FGF22: variants seen among roughly 807,000 people sequenced by gnomAD.
FGF22 encodes the protein fibroblast growth factor 22, also known as FGF-22.
FGF22 carries 11 observed loss-of-function variants against 10.3 expected under a neutral mutation model. The observed-to-expected ratio is 1.07, with a 90% CI of 0.67 to 1.77. FGF22 has a LOEUF of 1.77. Among genes scored for constraint, FGF22 ranks in the 40% most tolerant of loss-of-function variants. The pLI, the probability that FGF22 is intolerant of heterozygous loss-of-function variation, is 0.00. For synonymous variants in FGF22, 136 were observed against 122.1 expected, an observed-to-expected ratio of 1.11 and a Z score of -0.75; for missense variants, 317 against 273.2, an observed-to-expected ratio of 1.16 and a Z score of -1.13.
exon 3 of FGF22, chr19:643,471 A>G (rs1429356212): frequency 6.2e-7 from 1 of 1,611,084 alleles, no homozygotes; most frequent in Non-Finnish European, 8.5e-7. Flanking sequence ...CACAACACCT[A>G]CGCCTCACAG....
In FGF22 at chr19:640,286, G is replaced by A. The variant is rs1293236983; in HGVS notation, c.214+147G>A. ...CCTCAGTTTCCGTGGTCTGTGAGAT[G>A]GGTGCAGCCTGCCTGGTGGGAGGGT... On this transcript the variant is annotated intron_variant, in intron 1 of 2. Coordinates refer to ENST00000215530, the Ensembl canonical transcript of FGF22. The A allele has an allele frequency of 8.6e-6, 4 of 462,770 alleles. No individual in the cohort carries two copies. The East Asian group carries it at 1.5e-4, about 17-fold the overall frequency. 28.7% of individuals were successfully genotyped at this position (462,770 alleles called of 1,614,324 possible). A position where few individuals can be genotyped will look rare whatever the true frequency, so the allele number is the denominator to read the frequency against.
At chr19:640,234 C>A in intron 1 of FGF22, 95 bp downstream of exon 1, 1 of 809,096 alleles carries the variant, frequency 1.2e-6, no homozygotes, top group Non-Finnish European at 1.7e-6. Context: ...GCGGGGGAGT[C>A]CCGGAGGCTC....
At chr19:643,144 G>A (rs1362823386) in intron 1 of FGF22, 91 bp from the exon 2 acceptor site, 10 of 245,718 alleles carry the variant, frequency 4.1e-5, no homozygotes, top group African/African-American at 9.2e-5. Context: ...GGTATCTGTC[G>A]TGGTCCTGAG....
exon 3 of FGF22, chr19:643,914 A>G (rs949533592): frequency 7.8e-6 from 1 of 128,554 alleles, no homozygotes; most frequent in Non-Finnish European, 1.5e-5. Flanking sequence ...CGGGGTGGGG[A>G]GCACGTTGGG....
chr19:643,173 G>T (rs1451149063), intron 1 of FGF22, 62 bp from the exon 2 acceptor site: 5 of 642,792 alleles, frequency 7.8e-6, no homozygotes, highest in Non-Finnish European at 1.0e-5. Flanking sequence ...ACGAAGCACA[G>T]CGGACAGCAG....
Position 643,358 on chromosome 19 carries a change from GGGC to G in FGF22, c.318+25_318+27del. 1 of 1,603,410 alleles carries G rather than the reference GGGC, an allele frequency of 6.2e-7. No individual in the cohort carries two copies. Among genetic ancestry groups the G allele is most frequent in the Middle Eastern group, 1.7e-4 (1 of 5,888 alleles). On this transcript the variant is annotated intron_variant, in intron 2 of 2. Transcript: ENST00000215530. ...GGGTCGGTGAGTGCCGGGCAGGGCT[GGGC>G]GGCGCGGGCAGGGTGGGGAGGGTGG...
rs1272385472 is a variant in FGF22 at position 641,490 on chromosome 19, A to G, written c.214+1351A>G. On this transcript the variant is annotated intron_variant, in intron 1 of 2. Transcript: ENST00000215530. ...CTCGGGAGGCTGAGGCAGGAGAATG[A>G]CGTGAAGCCGGGAGGTGGAGCTTGC... The G allele has an allele frequency of 1.2e-5, 4 of 322,186 alleles. No individual in the cohort carries two copies. In the East Asian group the frequency reaches 3.2e-4, roughly 26 times the overall value. 20.0% of individuals were successfully genotyped at this position (322,186 alleles called of 1,614,324 possible).
chr19:640,108 G>T, exon 1 of FGF22: 2 of 1,387,548 alleles, frequency 1.4e-6, no homozygotes, highest in Non-Finnish European at 1.9e-6. Context: ...GCGGCCGCGT[G>T]CAGGGCACCC....
intron 1 of FGF22, among the ~76,000 whole-genome samples, chr19:642,117 G>A (rs1472914150): frequency 6.6e-6 from 1 of 152,196 alleles, no homozygotes; most frequent in African/African-American, 2.4e-5. Flanking sequence ...TAAACCACCG[G>A]TGTCCCACTC....
chr19:639,994 C>T (rs1600612894), exon 1 of FGF22: 10 of 1,300,228 alleles, frequency 7.7e-6, no homozygotes, highest in African/African-American at 4.6e-5. Context: ...CCGCGGGAAC[C>T]CCGAGCGCGT....
Position 640,142 on chromosome 19 carries a change from G to C in FGF22, c.214+3G>C. On this transcript the variant is annotated splice_donor_region_variant and intron_variant, in intron 1 of 2. Transcript: ENST00000215530. Reference sequence around the variant, plus strand: ...CCGCTGGCGCCACGGCCAGGACAGTGAGTGCGGGGCGGCGGGGGCCTGGGG... The same window carrying C: ...CCGCTGGCGCCACGGCCAGGACAGTCAGTGCGGGGCGGCGGGGGCCTGGGG... The C allele has an allele frequency of 7.6e-7, 1 of 1,310,584 alleles. No individual in the cohort carries two copies. Among genetic ancestry groups the C allele is most frequent in the Non-Finnish European group, 9.7e-7 (1 of 1,032,588 alleles). 81.2% of individuals were successfully genotyped at this position (1,310,584 alleles called of 1,614,324 possible).
At chr19:641,260 A>G (rs1406390994) in intron 1 of FGF22, 1 of 455,982 alleles carries the variant, frequency 2.2e-6, no homozygotes, top group Admixed American at 2.3e-5. Context: ...CACGTGAACA[A>G]GGGCGCAGGT....
In FGF22 at chr19:642,507, C is replaced by T. The variant is rs867931723; in HGVS notation, c.215-728C>T. On this transcript the variant is annotated intron_variant, in intron 1 of 2. Transcript: ENST00000215530. Reference sequence around the variant, plus strand: ...ATGGGGTGGTGTGAGCTGTGAGGGCCGGGCTGGGGGCTCCATATGGGGTGG... The same window carrying T: ...ATGGGGTGGTGTGAGCTGTGAGGGCTGGGCTGGGGGCTCCATATGGGGTGG... Among the ~76,000 whole-genome samples the T allele has an allele frequency of 5.5e-5, 2 of 36,196 alleles. 1 individual carries two copies. The highest frequency in any genetic ancestry group is 1.0e-4 in the Non-Finnish European group (2 of 19,860). 23.7% of individuals were successfully genotyped at this position (36,196 alleles called of 152,430 possible).
intron 1 of FGF22, chr19:641,298 C>A: frequency 2.2e-6 from 1 of 454,106 alleles, no homozygotes. Flanking sequence ...AACGGTTGGC[C>A]GGGTGCAGTG....
intron 1 of FGF22, among the ~76,000 whole-genome samples, chr19:642,230 CCA>C (rs58242300): frequency 0.69 from 55,599 of 80,802 alleles, 19,295 homozygotes; most frequent in East Asian, 0.93. Flanking sequence ...GCTGGGGGCT[CCA>C]TATGGGGTGG....
At chr19:640,910 G>C (rs1190012153) in intron 1 of FGF22, 2 of 304,190 alleles carry the variant, frequency 6.6e-6, no homozygotes, top group Non-Finnish European at 1.3e-5. Flanking sequence ...TCATCTGGGC[G>C]CCAAGGCCCT....
At chr19:640,109 C>A in exon 1 of FGF22, 1 of 1,385,652 alleles carries the variant, frequency 7.2e-7, no homozygotes. Flanking sequence ...CGGCCGCGTG[C>A]AGGGCACCCG....
chr19:640,863 C>T (rs4517908), intron 1 of FGF22: 135,713 of 237,626 alleles, frequency 0.57, 39,497 homozygotes, highest in Admixed American at 0.63. Flanking sequence ...TCACCACCAT[C>T]AGGGCAGGTA....
At chr19:643,642 C>A in exon 3 of FGF22, 2 of 1,453,610 alleles carry the variant, frequency 1.4e-6, no homozygotes, top group Non-Finnish European at 1.8e-6. Flanking sequence ...GGTGCCTGGG[C>A]TGGTGGCGAG....
Sources: allele counts gnomAD v4.1 joint callset (sites outside exome capture counted in the v4.1 genomes callset), GRCh38; gene constraint gnomAD v4.1.1; transcripts MANE v1.5; gene names NCBI Gene and HGNC (gene_info 2026-07-23, HGNC 2026-07-21).